The following EPHA6 variants were observed in gnomAD, a reference collection of about 807,000 sequenced individuals.
EPHA6 encodes the protein ephrin type-A receptor 6.
Under a neutral mutation model 112.0 loss-of-function variants are expected in EPHA6, and 50 were observed. That is an observed-to-expected ratio of 0.45 (90% confidence interval 0.36 to 0.56). The LOEUF (loss-of-function observed/expected upper bound fraction) is 0.56. Among genes scored for constraint, EPHA6 ranks in the 20% least tolerant of loss-of-function variants. EPHA6 has a pLI of 0.00. For missense variants in EPHA6, 1,280 were observed against 1,417.4 expected (o/e 0.90, Z 1.56); for synonymous variants, 529 against 490.7 (o/e 1.08, Z -1.03).
At chr3:97,481,854 GC>G (rs2091562709) in intron 9 of EPHA6, among the ~76,000 whole-genome samples, 1 of 152,226 alleles carries the variant, frequency 6.6e-6, no homozygotes, top group Non-Finnish European at 1.5e-5. Flanking sequence ...TTAACGCAGG[GC>G]AACCTTAAGA....
At chr3:97,151,191 C>T (rs2076163000) in intron 3 of EPHA6, among the ~76,000 whole-genome samples, 1 of 152,058 alleles carries the variant, frequency 6.6e-6, no homozygotes. Flanking sequence ...GCTTCTGGAT[C>T]TCCATCAATT....
intron 2 of EPHA6, among the ~76,000 whole-genome samples, chr3:96,925,110 G>A (rs2039966445): frequency 6.6e-6 from 1 of 152,056 alleles, no homozygotes. Flanking sequence ...TTTTTTTGTT[G>A]TGTCTCTGAT....
At chr3:96,949,576 A>T (rs944479903) in intron 2 of EPHA6, among the ~76,000 whole-genome samples, 14 of 152,276 alleles carry the variant, frequency 9.2e-5, no homozygotes, top group African/African-American at 3.1e-4. Flanking sequence ...CTCTCTAAAT[A>T]ATAAGGATTG....
chr3:96,868,175 T>A (rs181280799), intron 2 of EPHA6, among the ~76,000 whole-genome samples: 131 of 145,922 alleles, frequency 9.0e-4, no homozygotes, highest in Middle Eastern at 3.5e-3. Flanking sequence ...TGTGTGTGTG[T>A]GAGAGAGAGA....
intron 11 of EPHA6, chr3:97,569,864 G>A (rs1451525390): frequency 6.6e-6 from 1 of 152,110 alleles, no homozygotes; most frequent in Non-Finnish European, 1.5e-5. Context: ...CCTGGTTCAT[G>A]TTGGTCAAAT....
intron 5 of EPHA6, among the ~76,000 whole-genome samples, chr3:97,318,917 G>T (rs572473285): frequency 1.3e-5 from 2 of 151,592 alleles, no homozygotes; most frequent in Non-Finnish European, 2.9e-5. Context: ...AGTTATTTAT[G>T]TAAAAAAAAA....
intron 2 of EPHA6, among the ~76,000 whole-genome samples, chr3:96,974,407 A>G (rs1195281588): frequency 6.6e-6 from 1 of 150,484 alleles, no homozygotes; most frequent in African/African-American, 2.4e-5. Context: ...ATCTGTACTA[A>G]GTTGGTCAGT....
intron 5 of EPHA6, among the ~76,000 whole-genome samples, chr3:97,333,181 G>A (rs1171425291): frequency 6.6e-6 from 1 of 151,912 alleles, no homozygotes; most frequent in African/African-American, 2.4e-5. Context: ...TCCTGTACAT[G>A]TATTGTTGAG....
At chr3:96,998,329 T>A (rs1355199739) in intron 3 of EPHA6, among the ~76,000 whole-genome samples, 2 of 151,950 alleles carry the variant, frequency 1.3e-5, no homozygotes, top group African/African-American at 2.4e-5. Context: ...TATGCAATAG[T>A]TGGAAACATC....
intron 5 of EPHA6, among the ~76,000 whole-genome samples, chr3:97,328,835 C>A (rs1030838032): frequency 6.6e-6 from 1 of 151,912 alleles, no homozygotes; most frequent in African/African-American, 2.4e-5. Flanking sequence ...TATTATTGTA[C>A]TTTAAGTTCT....
At chr3:97,547,262 T>C (rs560029398) in intron 11 of EPHA6, among the ~76,000 whole-genome samples, 1 of 152,200 alleles carries the variant, frequency 6.6e-6, no homozygotes, top group Non-Finnish European at 1.5e-5. Flanking sequence ...GTCCTTTCTG[T>C]TTTTTAGTTT....
At chr3:97,268,728 G>T (rs2079780904) in intron 5 of EPHA6, among the ~76,000 whole-genome samples, 1 of 152,096 alleles carries the variant, frequency 6.6e-6, no homozygotes, top group Admixed American at 6.6e-5. Context: ...ATACAATGAT[G>T]AATTTAAAAA....
At chr3:97,048,638 C>T (rs886822511) in intron 3 of EPHA6, among the ~76,000 whole-genome samples, 7 of 152,038 alleles carry the variant, frequency 4.6e-5, no homozygotes, top group African/African-American at 1.7e-4. Context: ...TGAGAAAAAC[C>T]ACAGGGGTCA....
At chr3:97,744,261 G>A (rs1480634339) in intron 16 of EPHA6, among the ~76,000 whole-genome samples, 2 of 151,814 alleles carry the variant, frequency 1.3e-5, no homozygotes, top group Non-Finnish European at 2.9e-5. Flanking sequence ...TATTTCTCAG[G>A]TGGGCAGTAC....
At chr3:97,603,250 G>A (rs941002675) in intron 12 of EPHA6, among the ~76,000 whole-genome samples, 1 of 151,914 alleles carries the variant, frequency 6.6e-6, no homozygotes, top group African/African-American at 2.4e-5. Context: ...GCAGGAAGGA[G>A]GACATCACTG....
intron 4 of EPHA6, among the ~76,000 whole-genome samples, chr3:97,243,354 A>C (rs2078901638): frequency 6.6e-6 from 1 of 151,872 alleles, no homozygotes; most frequent in Admixed American, 6.6e-5. Context: ...ACAAGGACTT[A>C]ATAAAAGGTT....
intron 11 of EPHA6, among the ~76,000 whole-genome samples, chr3:97,555,873 A>G (rs951434064): frequency 2.0e-5 from 3 of 151,932 alleles, no homozygotes; most frequent in Non-Finnish European, 4.4e-5. Context: ...CCCATTTTGT[A>G]GGTTGCCTGT....
chr3:96,865,247 G>A (rs903549422), intron 1 of EPHA6, among the ~76,000 whole-genome samples: 5 of 152,006 alleles, frequency 3.3e-5, no homozygotes, highest in African/African-American at 9.7e-5. Flanking sequence ...AGGAATTTAA[G>A]GATACTTTCA....
intron 5 of EPHA6, among the ~76,000 whole-genome samples, chr3:97,397,601 T>C (rs939817195): frequency 6.6e-6 from 1 of 151,578 alleles, no homozygotes; most frequent in Admixed American, 6.6e-5. Flanking sequence ...GTGTGCTTAA[T>C]ATATATTGAT....
Sources: gnomAD v4.1 joint callset for allele counts (sites outside exome capture counted in the v4.1 genomes callset) on GRCh38, gnomAD v4.1.1 for gene constraint, MANE v1.5 for transcripts, NCBI Gene and HGNC (gene_info 2026-07-23, HGNC 2026-07-21) for gene names.